The following NRXN3 variants were observed in gnomAD, a reference collection of about 807,000 sequenced individuals.
NRXN3 encodes the protein neurexin III.
Under a neutral mutation model 137.6 loss-of-function variants are expected in NRXN3, and 32 were observed. The ratio of observed to expected loss-of-function variants is 0.23; its 90% CI spans 0.18 to 0.31. NRXN3 has a LOEUF of 0.31. Among genes scored for constraint, NRXN3 ranks in the 10% least tolerant of loss-of-function variants. The pLI is 1.00. For missense variants in NRXN3, 1,574 were observed against 2,062.5 expected (o/e 0.76, Z 4.59); for synonymous variants, 798 against 784.5 (o/e 1.02, Z -0.29).
intron 15 of NRXN3, among the ~76,000 whole-genome samples, chr14:79,078,809 A>G: frequency 6.6e-6 from 1 of 152,158 alleles, no homozygotes; most frequent in East Asian, 1.9e-4. Flanking sequence ...CACGTTAGGT[A>G]AATTCCTCTC....
chr14:79,248,181 C>A (rs1032230091), intron 15 of NRXN3, among the ~76,000 whole-genome samples: 1 of 152,198 alleles, frequency 6.6e-6, no homozygotes, highest in South Asian at 2.1e-4. Context: ...ACCCTCCAGA[C>A]AGCCCTTCAA....
intron 7 of NRXN3, among the ~76,000 whole-genome samples, chr14:78,711,534 C>T (rs2098408471): frequency 6.8e-6 from 1 of 148,026 alleles, no homozygotes; most frequent in Non-Finnish European, 1.5e-5. Context: ...CTCTACCTTC[C>T]AGGTTCAAGT....
chr14:79,585,366 A>G (rs1005715290), intron 16 of NRXN3, among the ~76,000 whole-genome samples: 4 of 152,160 alleles, frequency 2.6e-5, no homozygotes, highest in Admixed American at 6.5e-5. Flanking sequence ...GCATAGCCTG[A>G]GAAGATAAAG....
At chr14:79,273,510 T>C (rs2079741478) in intron 15 of NRXN3, among the ~76,000 whole-genome samples, 1 of 151,880 alleles carries the variant, frequency 6.6e-6, no homozygotes, top group Non-Finnish European at 1.5e-5. Context: ...GGTGGGCACC[T>C]GTAGTCCCAG....
intron 16 of NRXN3, among the ~76,000 whole-genome samples, chr14:79,493,762 T>C (rs1185386747): frequency 6.6e-6 from 1 of 152,218 alleles, no homozygotes; most frequent in African/African-American, 2.4e-5. Flanking sequence ...GAAATTCCCA[T>C]GCAATTTGGT....
intron 15 of NRXN3, among the ~76,000 whole-genome samples, chr14:79,370,394 C>T (rs2094060522): frequency 6.7e-6 from 1 of 150,238 alleles, no homozygotes; most frequent in Admixed American, 6.7e-5. Context: ...TCTTGGCTCA[C>T]TGCAACCTCT....
chr14:78,303,615 G>T (rs2077083795), intron 4 of NRXN3, among the ~76,000 whole-genome samples: 1 of 151,982 alleles, frequency 6.6e-6, no homozygotes, highest in African/African-American at 2.4e-5. Flanking sequence ...TACCCCCTCT[G>T]CCCACCTATC....
At chr14:79,596,669 A>C (rs2097861795) in intron 16 of NRXN3, among the ~76,000 whole-genome samples, 1 of 152,026 alleles carries the variant, frequency 6.6e-6, no homozygotes, top group Non-Finnish European at 1.5e-5. Context: ...GTGGGGGAGA[A>C]ATTTATGGTG....
intron 10 of NRXN3, among the ~76,000 whole-genome samples, chr14:78,843,555 G>C (rs1177434572): frequency 6.6e-6 from 1 of 152,066 alleles, no homozygotes; most frequent in Non-Finnish European, 1.5e-5. Flanking sequence ...TTGTACAGAC[G>C]TAATACTAAG....
At chr14:79,118,204 C>T (rs2054798711) in intron 15 of NRXN3, among the ~76,000 whole-genome samples, 1 of 151,788 alleles carries the variant, frequency 6.6e-6, no homozygotes, top group African/African-American at 2.4e-5. Flanking sequence ...AAAGCATGCC[C>T]TTATCTATGA....
At chr14:79,134,597 G>T (rs1376854870) in intron 15 of NRXN3, among the ~76,000 whole-genome samples, 1 of 152,192 alleles carries the variant, frequency 6.6e-6, no homozygotes, top group Non-Finnish European at 1.5e-5. Context: ...CAGCTGCTTT[G>T]AGACTTTAGA....
At chr14:79,118,496 T>C (rs1596152635) in intron 15 of NRXN3, among the ~76,000 whole-genome samples, 2 of 152,210 alleles carry the variant, frequency 1.3e-5, no homozygotes, top group South Asian at 2.1e-4. Flanking sequence ...GCCTTTGTCA[T>C]GGTGCCATGG....
intron 4 of NRXN3, among the ~76,000 whole-genome samples, chr14:78,398,624 C>T (rs556895692): frequency 6.6e-6 from 1 of 152,210 alleles, no homozygotes; most frequent in African/African-American, 2.4e-5. Context: ...GTTACTATTC[C>T]CCATGTGGCC....
At chr14:79,627,863 A>C (rs2098299102) in intron 16 of NRXN3, among the ~76,000 whole-genome samples, 2 of 152,166 alleles carry the variant, frequency 1.3e-5, no homozygotes, top group South Asian at 4.1e-4. Flanking sequence ...TACTTTTTTT[A>C]TAGTATATAG....
At chr14:78,360,119 G>A (rs1393333751) in intron 4 of NRXN3, among the ~76,000 whole-genome samples, 1 of 152,008 alleles carries the variant, frequency 6.6e-6, no homozygotes, top group Non-Finnish European at 1.5e-5. Flanking sequence ...TCCTGAAAGG[G>A]CTTTCTTCAA....
chr14:78,765,476 T>C (rs754760725), intron 8 of NRXN3, among the ~76,000 whole-genome samples: 47 of 152,152 alleles, frequency 3.1e-4, no homozygotes, highest in Non-Finnish European at 5.7e-4. Context: ...TTAATTATTC[T>C]TGAAGATCCA....
chr14:78,858,422 A>G (rs909020021), intron 10 of NRXN3, among the ~76,000 whole-genome samples: 4 of 152,198 alleles, frequency 2.6e-5, no homozygotes, highest in African/African-American at 7.2e-5. Context: ...GGCAAGCTAG[A>G]TGTTCTACCT....
intron 14 of NRXN3, among the ~76,000 whole-genome samples, chr14:78,982,321 C>T (rs1481549855): frequency 6.6e-6 from 1 of 152,004 alleles, no homozygotes; most frequent in African/African-American, 2.4e-5. Context: ...ATACCAAATA[C>T]AATATCAGAA....
At chr14:78,934,764 A>G (rs1350786919) in intron 10 of NRXN3, among the ~76,000 whole-genome samples, 1 of 152,098 alleles carries the variant, frequency 6.6e-6, no homozygotes, top group Non-Finnish European at 1.5e-5. Flanking sequence ...GAACAGTGAG[A>G]ACACATGGAC....
Sources: gnomAD v4.1 joint callset for allele counts (sites outside exome capture counted in the v4.1 genomes callset) on GRCh38, gnomAD v4.1.1 for gene constraint, MANE v1.5 for transcripts, NCBI Gene and HGNC (gene_info 2026-07-23, HGNC 2026-07-21) for gene names.